The following PTPRA variants were observed in gnomAD, a reference collection of about 807,000 sequenced individuals.
PTPRA encodes protein tyrosine phosphatase receptor type A.
A neutral mutation model predicts 104.8 loss-of-function variants in PTPRA; 25 were observed. The ratio of observed to expected loss-of-function variants is 0.24; its 90% CI spans 0.17 to 0.33. The LOEUF (loss-of-function observed/expected upper bound fraction) is 0.33, where lower values mean the gene tolerates loss of function less well. Among genes scored for constraint, PTPRA ranks in the 10% least tolerant of loss-of-function variants. The probability of loss-of-function intolerance (pLI) is 1.00; values close to 1 mark genes in which losing one functional copy is unlikely to be tolerated. For missense variants in PTPRA, 765 were observed against 1,015.3 expected (o/e 0.75, Z 3.35); for synonymous variants, 323 against 368.9 (o/e 0.88, Z 1.43).
chr20:2,993,743 A>C (rs1172021494), intron 9 of PTPRA, among the ~76,000 whole-genome samples: 3 of 152,172 alleles, frequency 2.0e-5, no homozygotes, highest in Non-Finnish European at 4.4e-5. Flanking sequence ...AGGAGCTTAC[A>C]TTTGCTCTTT....
At chr20:3,024,737 G>A (rs910028471) in intron 17 of PTPRA, 116 bp downstream of exon 17, 2 of 1,265,760 alleles carry the variant, frequency 1.6e-6, no homozygotes, top group African/African-American at 1.5e-5. Context: ...CATGCCAGTG[G>A]TTAAGGAGAT....
chr20:2,924,650 G>A (rs1288988524), intron 2 of PTPRA, among the ~76,000 whole-genome samples: 1 of 152,072 alleles, frequency 6.6e-6, no homozygotes, highest in Non-Finnish European at 1.5e-5. Flanking sequence ...ACTGGAAAGA[G>A]GTATGAGAGA....
intron 9 of PTPRA, 82 bp downstream of exon 9, chr20:2,988,556 A>T (rs2063005352): frequency 6.5e-7 from 1 of 1,540,344 alleles, no homozygotes; most frequent in South Asian, 1.3e-5. Context: ...TGGAGTCATG[A>T]AGTAAAAAAT....
At chr20:2,939,806 G>A (rs564413790) in intron 2 of PTPRA, among the ~76,000 whole-genome samples, 2 of 151,910 alleles carry the variant, frequency 1.3e-5, no homozygotes, top group Non-Finnish European at 2.9e-5. Context: ...TAGAATGTTC[G>A]GTTATAATCG....
In PTPRA at chr20:2,988,093, A is replaced by T; in HGVS notation, c.589A>T (p.Thr197Ser). 6.3e-7 allele frequency: 1 copy of T among 1,585,436 alleles called. No homozygotes were observed. Among genetic ancestry groups the T allele is most frequent in the East Asian group, 2.2e-5 (1 of 44,744 alleles). Residue 197 changes from threonine to serine, a missense_variant, in exon 8 of 24, where the codon ACT becomes TCT. Transcript: ENST00000399903. ...SNSFRLSNGR[T>S]EDVEPQSVPL... The stretch of plus-strand genomic sequence containing the variant: ...TTCTTTCCGCTTATCCAACGGCCGC[A>T]CTGAGGATGTGGGTAAGGCATTCCT...
intron 2 of PTPRA, among the ~76,000 whole-genome samples, chr20:2,947,109 A>G (rs2061164516): frequency 6.6e-6 from 1 of 152,176 alleles, no homozygotes; most frequent in South Asian, 2.1e-4. Flanking sequence ...TCTGCTTTGA[A>G]GGAACTTGGA....
intron 2 of PTPRA, among the ~76,000 whole-genome samples, chr20:2,943,537 A>G (rs1208055281): frequency 6.6e-6 from 1 of 152,060 alleles, no homozygotes; most frequent in East Asian, 1.9e-4. Flanking sequence ...AATCTCATCC[A>G]AAAAAACCCC....
chr20:2,909,877 ATATAT>A (rs2059576491), intron 1 of PTPRA, among the ~76,000 whole-genome samples: 2 of 133,350 alleles, frequency 1.5e-5, no homozygotes, highest in Non-Finnish European at 3.1e-5. Context: ...TATAATTAAA[ATATAT>A]TAATTATAAT....
intron 3 of PTPRA, among the ~76,000 whole-genome samples, chr20:2,953,828 C>T (rs1010306597): frequency 3.3e-5 from 5 of 150,956 alleles, no homozygotes; most frequent in East Asian, 2.0e-4. Flanking sequence ...GGCTGGTCCA[C>T]GATCCATCCA....
intron 10 of PTPRA, 80 bp from the exon 11 acceptor site, chr20:3,007,264 G>A (rs1379344372): frequency 1.5e-6 from 2 of 1,365,670 alleles, no homozygotes; most frequent in African/African-American, 1.4e-5. Context: ...AGGCACAGAT[G>A]TCTCAACTGT....
intron 16 of PTPRA, among the ~76,000 whole-genome samples, chr20:3,023,077 C>T (rs1281989709): frequency 1.3e-5 from 2 of 152,218 alleles, no homozygotes; most frequent in Non-Finnish European, 2.9e-5. Context: ...CTAGCCCCAA[C>T]CCTGTGCTCG....
intron 11 of PTPRA, among the ~76,000 whole-genome samples, chr20:3,010,296 G>T (rs1449957899): frequency 6.6e-6 from 1 of 152,114 alleles, no homozygotes; most frequent in African/African-American, 2.4e-5. Flanking sequence ...CAGTCTCATG[G>T]CCACAAGATG....
At chr20:2,882,713 C>A (rs555918384) in intron 1 of PTPRA, among the ~76,000 whole-genome samples, 12 of 152,114 alleles carry the variant, frequency 7.9e-5, no homozygotes, top group Non-Finnish European at 1.3e-4. Context: ...TGATTGCCTT[C>A]ATAAGAACAT....
chr20:2,915,013 C>A (rs946929988), intron 1 of PTPRA, among the ~76,000 whole-genome samples: 4 of 151,854 alleles, frequency 2.6e-5, no homozygotes, highest in Non-Finnish European at 5.9e-5. Flanking sequence ...ATTTTGACTT[C>A]TTTTACTTAG....
In PTPRA at chr20:3,017,848, C is replaced by T. The variant is rs147020731; in HGVS notation, c.976C>T (p.Arg326Trp). Reference sequence around the variant, plus strand: ...AGAAGAAACGGTGAATGATTTCTGGCGGATGATCTGGGAACAAAACACAGC... The same window carrying T: ...AGAAGAAACGGTGAATGATTTCTGGTGGATGATCTGGGAACAAAACACAGC... The part of the protein sequence containing the change: ...PKEETVNDFW[R>W]MIWEQNTATI... Residue 326 changes from arginine (R) to tryptophan (W), a missense_variant, in exon 13 of 24, where the codon CGG (arginine) becomes TGG (tryptophan). Around this residue, in one of 4 missense-constraint regions of PTPRA, gnomAD observed 245 missense variants for 398.7 expected, o/e 0.61. Coordinates refer to ENST00000399903, the MANE Select transcript of PTPRA (RefSeq NM_001385305.1). The T allele has an allele frequency of 1.1e-5, 17 of 1,613,926 alleles. No homozygotes were observed. Among genetic ancestry groups the T allele is most frequent in the East Asian group, 4.5e-5 (2 of 44,896 alleles).
intron 1 of PTPRA, among the ~76,000 whole-genome samples, chr20:2,876,312 A>G (rs1055679192): frequency 3.3e-5 from 5 of 152,136 alleles, no homozygotes; most frequent in African/African-American, 1.2e-4. Context: ...TGTCCCTCCT[A>G]CCCTGGCCCC....
At chr20:2,867,779 T>A in the PTPRA span, among the ~76,000 whole-genome samples, 3 of 152,172 alleles carry the variant, frequency 2.0e-5, no homozygotes, top group Non-Finnish European at 4.4e-5. Context: ...TTAACACCCC[T>A]AGGGCCGACC....
rs2062974365 is a variant in PTPRA, at chr20:2,987,904, C to T, written c.528-128C>T. The stretch of plus-strand genomic sequence containing the variant: ...CTGCCTCAGGGTGTGCATGACCTGT[C>T]TCTAAAAAAGCCCGATTATTTTTAA... On this transcript the variant is annotated intron_variant, in intron 7 of 23. Transcript: ENST00000399903. 4.4e-6 allele frequency: 4 copies of T among 900,870 alleles called. No individual in the cohort carries two copies. In the East Asian group the frequency reaches 9.7e-5, roughly 22 times the overall value. 55.8% of individuals were successfully genotyped at this position (900,870 alleles called of 1,614,324 possible).
At chr20:2,907,499 A>G (rs374133966) in intron 1 of PTPRA, among the ~76,000 whole-genome samples, 13 of 152,230 alleles carry the variant, frequency 8.5e-5, no homozygotes, top group South Asian at 2.1e-4. Context: ...TAGAATATCT[A>G]TTGATAAAAA....
Sources: allele counts gnomAD v4.1 joint callset (sites outside exome capture counted in the v4.1 genomes callset), GRCh38; gene constraint gnomAD v4.1.1; regional missense constraint gnomAD v4.1.1; transcripts MANE v1.5; gene names NCBI Gene and HGNC (gene_info 2026-07-23, HGNC 2026-07-21).